Variants in DOCK3 observed in about 807,000 individuals in gnomAD.
DOCK3 encodes dedicator of cytokinesis protein 3.
A neutral mutation model predicts 265.6 loss-of-function variants in DOCK3; 60 were observed. The ratio of observed to expected loss-of-function variants is 0.23; its 90% CI spans 0.18 to 0.28. DOCK3 has a LOEUF of 0.28. Ranked by LOEUF, DOCK3 falls within the 10% of genes least tolerant of loss-of-function variation. DOCK3 has a pLI of 1.00. For missense variants in DOCK3, 1,981 were observed against 2,594.3 expected, an observed-to-expected ratio of 0.76 and a Z score of 5.14; for synonymous variants, 881 against 938.0, an observed-to-expected ratio of 0.94 and a Z score of 1.11.
At chr3:50,832,754 G>T (rs972622515) in intron 2 of DOCK3, among the ~76,000 whole-genome samples, 2 of 152,112 alleles carry the variant, frequency 1.3e-5, no homozygotes, top group African/African-American at 4.8e-5. Context: ...GAGGGATGAA[G>T]ATCTAGCTTC....
chr3:51,016,754 AT>A (rs1252283417), intron 5 of DOCK3, among the ~76,000 whole-genome samples: 93 of 2,958 alleles, frequency 0.031, 23 homozygotes, highest in African/African-American at 0.069. Flanking sequence ...TATCAATATA[AT>A]ATATATGATA....
chr3:51,068,863 A>G (rs2081729039), intron 6 of DOCK3, among the ~76,000 whole-genome samples: 1 of 152,202 alleles, frequency 6.6e-6, no homozygotes, highest in African/African-American at 2.4e-5. Context: ...TATCTGAGTA[A>G]TATTCAGTTA....
chr3:51,072,757 G>A (rs2081924254), intron 6 of DOCK3, among the ~76,000 whole-genome samples: 10 of 152,030 alleles, frequency 6.6e-5, no homozygotes, highest in Admixed American at 6.6e-4. Flanking sequence ...TGAAGCCCGA[G>A]TGAAGTGACA....
At chr3:50,821,387 C>G (rs1423163540) in intron 2 of DOCK3, among the ~76,000 whole-genome samples, 1 of 151,940 alleles carries the variant, frequency 6.6e-6, no homozygotes, top group African/African-American at 2.4e-5. Context: ...GCAAGCTCCG[C>G]CTCCCGGGTT....
At chr3:51,142,329 C>T (rs2085101715) in intron 9 of DOCK3, among the ~76,000 whole-genome samples, 1 of 152,134 alleles carries the variant, frequency 6.6e-6, no homozygotes, top group Non-Finnish European at 1.5e-5. Flanking sequence ...GTGAAACCAT[C>T]ACCACAGTCA....
intron 5 of DOCK3, among the ~76,000 whole-genome samples, chr3:50,964,926 A>C (rs568106432): frequency 1.3e-5 from 2 of 152,114 alleles, no homozygotes; most frequent in African/African-American, 2.4e-5. Context: ...CAGAAGAACA[A>C]AATCTGAAAG....
intron 2 of DOCK3, among the ~76,000 whole-genome samples, chr3:50,838,641 G>T (rs1412205121): frequency 2.0e-5 from 3 of 152,190 alleles, no homozygotes; most frequent in Non-Finnish European, 2.9e-5. Flanking sequence ...TGCAGAGGTA[G>T]ATTTTCCAGA....
At chr3:51,257,911 G>C (rs549709990) in intron 22 of DOCK3, among the ~76,000 whole-genome samples, 176 of 152,332 alleles carry the variant, frequency 1.2e-3, no homozygotes, top group Non-Finnish European at 1.8e-3. Flanking sequence ...TCCTGACCAA[G>C]ATGGTGCTGA....
At chr3:51,125,901 ATAT>A (rs1343110657) in intron 9 of DOCK3, among the ~76,000 whole-genome samples, 1 of 152,220 alleles carries the variant, frequency 6.6e-6, no homozygotes, top group Non-Finnish European at 1.5e-5. Context: ...AAGACTGTCA[ATAT>A]TATTATTACT....
intron 7 of DOCK3, among the ~76,000 whole-genome samples, chr3:51,087,614 A>C (rs1258352721): frequency 1.3e-5 from 2 of 152,186 alleles, no homozygotes; most frequent in Non-Finnish European, 2.9e-5. Flanking sequence ...TCAACATAGT[A>C]CTTGAAGTCC....
intron 40 of DOCK3, among the ~76,000 whole-genome samples, chr3:51,353,229 C>T (rs1036130960): frequency 6.6e-6 from 1 of 152,168 alleles, no homozygotes; most frequent in Admixed American, 6.5e-5. Flanking sequence ...TGGTCTGTTC[C>T]ACTGGAGAGG....
chr3:51,170,701 T>C (rs1027467550), intron 12 of DOCK3, among the ~76,000 whole-genome samples: 1 of 152,150 alleles, frequency 6.6e-6, no homozygotes, highest in Non-Finnish European at 1.5e-5. Context: ...TCCCAGCGCT[T>C]TGGGAGGCGA....
chr3:50,690,944 A>G (rs1298115544), intron 1 of DOCK3, among the ~76,000 whole-genome samples: 1 of 151,496 alleles, frequency 6.6e-6, no homozygotes, highest in Non-Finnish European at 1.5e-5. Flanking sequence ...CCTGGCCTCT[A>G]CTTCCTATCT....
intron 5 of DOCK3, among the ~76,000 whole-genome samples, chr3:50,955,903 C>T (rs527651228): frequency 3.2e-4 from 49 of 152,290 alleles, no homozygotes; most frequent in African/African-American, 1.1e-3. Context: ...TTATGTATGC[C>T]TGGCCCTCTT....
rs140746390 is a variant in DOCK3 at position 51,158,170 on chromosome 3, T to C, written c.829-1074T>C. Among the ~76,000 whole-genome samples the C allele has an allele frequency of 1.9e-3, 284 of 152,334 alleles. 2 individuals are homozygous for C. Among genetic ancestry groups the C allele is most frequent in the African/African-American group, 6.5e-3 (269 of 41,578 alleles). On this transcript the variant is annotated intron_variant, in intron 10 of 52. Coordinates refer to ENST00000266037, the MANE Select transcript of DOCK3 (RefSeq NM_004947.5). The stretch of plus-strand genomic sequence containing the variant: ...AACAGAATATATATTAAAGAATTTT[T>C]GTTATTTCAAGTACAATACATTTAA...
At chr3:50,999,631 A>G (rs1452746479) in intron 5 of DOCK3, among the ~76,000 whole-genome samples, 2 of 152,200 alleles carry the variant, frequency 1.3e-5, no homozygotes, top group Non-Finnish European at 2.9e-5. Flanking sequence ...TCACATATCC[A>G]CTGTCTATCC....
At chr3:50,977,180 G>A (rs2077484190) in intron 5 of DOCK3, among the ~76,000 whole-genome samples, 1 of 150,116 alleles carries the variant, frequency 6.7e-6, no homozygotes, top group Admixed American at 6.6e-5. Context: ...ATTTGATCCT[G>A]TAATGATGAT....
chr3:51,106,801 T>G (rs1376097195), intron 9 of DOCK3, among the ~76,000 whole-genome samples: 8 of 152,216 alleles, frequency 5.3e-5, no homozygotes, highest in African/African-American at 1.2e-4. Flanking sequence ...CCAGCCATAC[T>G]TCAAATGCTT....
At chr3:50,831,040 A>G (rs2045114631) in intron 2 of DOCK3, among the ~76,000 whole-genome samples, 1 of 151,988 alleles carries the variant, frequency 6.6e-6, no homozygotes, top group South Asian at 2.1e-4. Context: ...TGACATTTGT[A>G]CACTGTCATG....
Sources: allele counts gnomAD v4.1 joint callset (sites outside exome capture counted in the v4.1 genomes callset), GRCh38; gene constraint gnomAD v4.1.1; transcripts MANE v1.5; gene names NCBI Gene and HGNC (gene_info 2026-07-23, HGNC 2026-07-21).